PTPN13: variants seen among roughly 807,000 people sequenced by gnomAD.
The protein encoded by PTPN13 is tyrosine-protein phosphatase non-receptor type 13.
PTPN13 carries 191 observed loss-of-function variants against 284.0 expected under a neutral mutation model. The ratio of observed to expected loss-of-function variants is 0.67; its 90% CI spans 0.60 to 0.76. The LOEUF is 0.76. PTPN13 is among the 30% of genes least tolerant of loss of function. PTPN13 has a pLI of 0.00. For missense variants in PTPN13, 2,797 were observed against 2,939.9 expected (o/e 0.95, Z 1.12); for synonymous variants, 986 against 1,022.3 (o/e 0.96, Z 0.68).
At chr4:86,771,643 A>G (rs1159321952) in intron 31 of PTPN13, 108 bp downstream of exon 31, 12 of 1,232,464 alleles carry the variant, frequency 9.7e-6, no homozygotes, top group Non-Finnish European at 1.3e-5. Flanking sequence ...TGTGACCTTC[A>G]CAGTGGTTAG....
Position 86,685,816 on chromosome 4 carries a change from A to G in PTPN13, c.295-894A>G, listed in dbSNP as rs577245813. 2.0e-5 allele frequency among the ~76,000 whole-genome samples: 3 copies of G among 152,356 alleles called. No individual in the cohort carries two copies. The East Asian group carries it at 5.8e-4, about 29-fold the overall frequency. On this transcript the variant is annotated intron_variant, in intron 3 of 47. Coordinates refer to ENST00000411767, the MANE Select transcript of PTPN13 (RefSeq NM_080683.3). ...AACTGTTATGCAAGGGAATCTGACAATATATATAAAAACTGCAGATGATTT... is the reference window on the plus strand; with the variant it reads ...AACTGTTATGCAAGGGAATCTGACAGTATATATAAAAACTGCAGATGATTT...
rs113504971 is a variant in PTPN13 at position 86,730,118 on chromosome 4, C to T, written c.1609-2282C>T. On this transcript the variant is annotated intron_variant, in intron 10 of 47. Transcript: ENST00000411767. Reference sequence around the variant, plus strand: ...GGTCTGTTGGAGTTTGCTGGAGGTCCACTCCAGACCCTGTTTGCCTGGGTA... The same window carrying T: ...GGTCTGTTGGAGTTTGCTGGAGGTCTACTCCAGACCCTGTTTGCCTGGGTA... Among the ~76,000 whole-genome samples the T allele has an allele frequency of 1.3e-3, 195 of 149,688 alleles. 7 individuals carry two copies. Among genetic ancestry groups the T allele is most frequent in the African/African-American group, 4.4e-3 (183 of 41,158 alleles).
chr4:86,760,906 G>A (rs1243258910), intron 23 of PTPN13, among the ~76,000 whole-genome samples: 1 of 151,660 alleles, frequency 6.6e-6, no homozygotes, highest in African/African-American at 2.4e-5. Context: ...GTGTATTCTA[G>A]CTACCCCTGT....
chr4:86,770,101 G>C lies in PTPN13; in HGVS notation c.4705G>C (p.Glu1569Gln), dbSNP rs777493558. ...CATTTGTCATTCATGGTACCCCCAG[G>C]AAGTCATATCTGCTCTCAGGGGAAC... The part of the protein sequence containing the change: ...GASLKGLSQQ[E>Q]VISALRGTAP... Residue 1569 changes from glutamate (E) to glutamine (Q), a missense_variant and splice_region_variant, in exon 30 of 48, where the codon GAA becomes CAA. Transcript: ENST00000411767. 4 of 1,613,268 alleles carry C rather than the reference G, an allele frequency of 2.5e-6. No homozygotes were observed. The highest frequency in any genetic ancestry group is 3.3e-4 in the Middle Eastern group (2 of 6,082).
chr4:86,657,421 G>A (rs1438069263), intron 2 of PTPN13, among the ~76,000 whole-genome samples: 4 of 152,190 alleles, frequency 2.6e-5, no homozygotes, highest in African/African-American at 9.6e-5. Flanking sequence ...ACTTGGATAA[G>A]ATAAGGAAGA....
chr4:86,741,739 G>C lies in PTPN13; in HGVS notation c.2410G>C (p.Val804Leu). 13 of 1,613,450 alleles carry C rather than the reference G, an allele frequency of 8.1e-6. No individual in the cohort carries two copies. The highest frequency in any genetic ancestry group is 1.1e-5 in the Non-Finnish European group (13 of 1,179,632). Residue 804 changes from valine (V) to leucine (L), a missense_variant, in exon 16 of 48, where the codon GTG becomes CTG. Val to Leu is a conservative substitution (Grantham distance 32). Coordinates refer to ENST00000411767, the MANE Select transcript of PTPN13 (RefSeq NM_080683.3). ...TGGAGTCTGTTCTAAAGGTGTCCTT[G>C]TGTTTGAAGTTCACAATGGAGTGCG... ...LLGVCSKGVL[V>L]FEVHNGVRTL...
chr4:86,770,807 C>G (rs1205302970), intron 30 of PTPN13, among the ~76,000 whole-genome samples: 1 of 151,966 alleles, frequency 6.6e-6, no homozygotes, highest in Admixed American at 6.6e-5. Context: ...AAGGTAGAAA[C>G]AACTCTGTCC....
intron 10 of PTPN13, among the ~76,000 whole-genome samples, chr4:86,726,767 A>G (rs1191845807): frequency 1.3e-5 from 2 of 149,356 alleles, no homozygotes; most frequent in Admixed American, 6.7e-5. Context: ...AACAGGGACA[A>G]TTTGACTTCC....
intron 16 of PTPN13, among the ~76,000 whole-genome samples, chr4:86,744,246 C>G (rs537278193): frequency 1.4e-4 from 22 of 152,226 alleles, no homozygotes; most frequent in African/African-American, 5.3e-4. Flanking sequence ...CACCCAGACT[C>G]TACTTGACTG....
intron 3 of PTPN13, among the ~76,000 whole-genome samples, chr4:86,677,864 A>C (rs951406699): frequency 1.3e-5 from 2 of 152,180 alleles, no homozygotes; most frequent in African/African-American, 2.4e-5. Flanking sequence ...TATCATCTTA[A>C]CTTGAAGGAA....
intron 1 of PTPN13, among the ~76,000 whole-genome samples, chr4:86,599,697 A>T (rs1294957285): frequency 6.6e-6 from 1 of 152,170 alleles, no homozygotes; most frequent in African/African-American, 2.4e-5. Flanking sequence ...TTTATAATTT[A>T]AAAATATATT....
intron 1 of PTPN13, among the ~76,000 whole-genome samples, chr4:86,617,774 G>A (rs1166359895): frequency 6.6e-6 from 1 of 151,698 alleles, no homozygotes; most frequent in African/African-American, 2.4e-5. Context: ...TTTTTGATGG[G>A]GTTTTTTTTC....
intron 27 of PTPN13, 44 bp downstream of exon 27, chr4:86,766,561 C>A: frequency 7.3e-7 from 1 of 1,362,002 alleles, no homozygotes; most frequent in Non-Finnish European, 1.0e-6. Context: ...CTTAGAAGAG[C>A]AAAACAATGT....
At chr4:86,648,309 T>C (rs1160087134) in intron 2 of PTPN13, among the ~76,000 whole-genome samples, 2 of 152,054 alleles carry the variant, frequency 1.3e-5, no homozygotes, top group Admixed American at 1.3e-4. Flanking sequence ...CTACTGAACA[T>C]TACATCTTAT....
chr4:86,762,173 A>G (rs1738773153), intron 23 of PTPN13, among the ~76,000 whole-genome samples: 1 of 152,282 alleles, frequency 6.6e-6, no homozygotes, highest in African/African-American at 2.4e-5. Flanking sequence ...GGGTTTCACC[A>G]TGTTGGGCAG....
At chr4:86,666,314 T>TG (rs1727070511) in intron 2 of PTPN13, among the ~76,000 whole-genome samples, 2 of 71,520 alleles carry the variant, frequency 2.8e-5, no homozygotes, top group African/African-American at 1.0e-4. Context: ...AGACTTGCAT[T>TG]AAGGACAGGG....
chr4:86,796,267 A>T (rs1237206961), intron 40 of PTPN13, among the ~76,000 whole-genome samples: 1 of 152,178 alleles, frequency 6.6e-6, no homozygotes, highest in Non-Finnish European at 1.5e-5. Context: ...AAATGTGCAT[A>T]TCTAAATAAT....
Position 86,745,066 on chromosome 4 carries a change from A to C in PTPN13, c.2588A>C (p.Tyr863Ser), listed in dbSNP as rs370626769. Residue 863 changes from tyrosine to serine, a missense_variant, in exon 17 of 48, where the codon TAC becomes TCC. Coordinates refer to ENST00000411767, the MANE Select transcript of PTPN13 (RefSeq NM_080683.3). ...CAGTACCTGCTGCACCTCTGCTCTT[A>C]CCAGCATAAGTTCCAGCTACAGATG... ...ICQYLLHLCS[Y>S]QHKFQLQMRA... 22 of 1,612,598 alleles carry C rather than the reference A, an allele frequency of 1.4e-5. No homozygotes were observed. Among genetic ancestry groups the C allele is most frequent in the Non-Finnish European group, 1.8e-5 (21 of 1,179,368 alleles).
At chr4:86,753,596 A>C (rs1400392284) in intron 20 of PTPN13, among the ~76,000 whole-genome samples, 3 of 152,108 alleles carry the variant, frequency 2.0e-5, no homozygotes, top group Non-Finnish European at 4.4e-5. Flanking sequence ...GATATTTTGA[A>C]GACTTTAAAT....
Sources: allele counts gnomAD v4.1 joint callset (sites outside exome capture counted in the v4.1 genomes callset), GRCh38; gene constraint gnomAD v4.1.1; transcripts MANE v1.5; gene names NCBI Gene and HGNC (gene_info 2026-07-23, HGNC 2026-07-21).